The following CLCA1 variants were observed in gnomAD, a reference collection of about 807,000 sequenced individuals.
CLCA1 encodes calcium-activated chloride channel regulator 1.
In CLCA1, 59 loss-of-function variants were observed where a neutral mutation model predicts 85.6. That is an observed-to-expected ratio of 0.69 (90% confidence interval 0.56 to 0.86). The LOEUF is 0.86. CLCA1 is among the 40% of genes least tolerant of loss of function. The probability of loss-of-function intolerance (pLI) is 0.00; values close to 1 mark genes in which losing one functional copy is unlikely to be tolerated. For synonymous variants in CLCA1, 396 were observed against 398.3 expected (o/e 0.99, Z 0.07); for missense variants, 1,022 against 1,101.4 (o/e 0.93, Z 1.02).
chr1:86,498,377 TTC>T (rs1648357488), intron 12 of CLCA1, among the ~76,000 whole-genome samples, 193 bp from the exon 13 acceptor site: 1 of 152,278 alleles, frequency 6.6e-6, no homozygotes, highest in South Asian at 2.1e-4. Flanking sequence ...GAAACTGTGA[TTC>T]TCTGTTTTCT....
rs373574345 is a variant in CLCA1 at position 86,482,073 on chromosome 1, TGATGG to T, written c.558-127_558-123del. 5.2e-5 allele frequency: 34 copies of T among 652,030 alleles called. No homozygotes were observed. The African/African-American group carries it at 6.0e-4, about 11-fold the overall frequency. 40.4% of individuals were successfully genotyped at this position (652,030 alleles called of 1,614,324 possible). A position where few individuals can be genotyped will look rare whatever the true frequency, so the allele number is the denominator to read the frequency against. On this transcript the variant is annotated intron_variant, in intron 4 of 13. Coordinates refer to ENST00000394711, the MANE Select transcript of CLCA1 (RefSeq NM_001285.4). The stretch of plus-strand genomic sequence containing the variant: ...TGATGACAATTTAACACTTTTGCTA[TGATGG>T]GATGTCCTTGTTTCTTGGATCATGA...
chr1:86,499,285 T>G (rs1362130973), intron 13 of CLCA1, among the ~76,000 whole-genome samples: 1 of 152,232 alleles, frequency 6.6e-6, no homozygotes, highest in Non-Finnish European at 1.5e-5. Flanking sequence ...CTGGGTGATT[T>G]GTACACACAT....
chr1:86,495,931 A>G (rs1434958902), intron 12 of CLCA1, among the ~76,000 whole-genome samples: 1 of 152,196 alleles, frequency 6.6e-6, no homozygotes, highest in African/African-American at 2.4e-5. Flanking sequence ...AAATGTCTCC[A>G]TATGTGGTCC....
Position 86,473,571 on chromosome 1 carries a change from G to A in CLCA1, c.303+14G>A. The A allele has an allele frequency of 6.4e-7, 1 of 1,569,934 alleles. No individual in the cohort carries two copies. Among genetic ancestry groups the A allele is most frequent in the Non-Finnish European group, 8.7e-7 (1 of 1,154,386 alleles). Reference sequence around the variant, plus strand: ...ACCTACAAAAATGTGAGAATATCAAGTTCTTCTTTAAAATTCCACTTTCTC... The same window carrying A: ...ACCTACAAAAATGTGAGAATATCAAATTCTTCTTTAAAATTCCACTTTCTC... On this transcript the variant is annotated intron_variant, in intron 2 of 13. Coordinates refer to ENST00000394711, the MANE Select transcript of CLCA1 (RefSeq NM_001285.4).
Position 86,489,004 on chromosome 1 carries a change from G to A in CLCA1, c.1191G>A (p.Arg397=), listed in dbSNP as rs528803620. The stretch of plus-strand genomic sequence containing the variant: ...CTAAATTCTGTCCTTAGGTGATTAG[G>A]AAGAAATATCCAACTGATGGATCTG... ...SGLRSAFTVI[R]KKYPTDGSEI... is the part of the protein sequence containing the mutation. Residue 397 remains arginine, a synonymous_variant, in exon 8 of 14, where the codon AGG becomes AGA. Coordinates refer to ENST00000394711, the MANE Select transcript of CLCA1 (RefSeq NM_001285.4). The A allele has an allele frequency of 1.4e-5, 22 of 1,613,836 alleles. 1 individual carries two copies. In the South Asian group the frequency reaches 2.3e-4, roughly 17 times the overall value.
intron 5 of CLCA1, among the ~76,000 whole-genome samples, chr1:86,485,096 A>G (rs1647928577): frequency 2.0e-5 from 3 of 152,056 alleles, no homozygotes; most frequent in Non-Finnish European, 4.4e-5. Context: ...AAATTTGAGG[A>G]GTAGGAAGGA....
chr1:86,494,751 TTG>T (rs1648228973), intron 11 of CLCA1, among the ~76,000 whole-genome samples: 1 of 152,218 alleles, frequency 6.6e-6, no homozygotes. Flanking sequence ...AATAACCATA[TTG>T]TGTTAGGTGC....
rs539715273 is a variant in CLCA1 at position 86,498,691 on chromosome 1, G to T, written c.2233G>T (p.Ala745Ser). 6.2e-7 allele frequency: 1 copy of T among 1,614,052 alleles called. No individual in the cohort carries two copies. Among genetic ancestry groups the T allele is most frequent in the South Asian group, 1.1e-5 (1 of 91,070 alleles). Reference sequence around the variant, plus strand: ...ATTTGTGGCTTCTGATGTCCCAAATGCTCCCATACCTGATCTCTTCCCACC... The same window carrying T: ...ATTTGTGGCTTCTGATGTCCCAAATTCTCCCATACCTGATCTCTTCCCACC... The part of the protein sequence containing the change: ...GSFVASDVPN[A>S]PIPDLFPPGQ... Residue 745 changes from alanine (A) to serine (S), a missense_variant, in exon 13 of 14, where the codon GCT (alanine) becomes TCT (serine). By Grantham distance (99) the Ala-to-Ser change is moderately conservative. Coordinates refer to ENST00000394711, the MANE Select transcript of CLCA1 (RefSeq NM_001285.4).
intron 7 of CLCA1, among the ~76,000 whole-genome samples, chr1:86,487,901 C>T (rs899013288): frequency 1.1e-4 from 16 of 152,158 alleles, no homozygotes; most frequent in Non-Finnish European, 4.4e-5. Context: ...ATGGGGAGTG[C>T]GACAAGAAAA....
intron 7 of CLCA1, among the ~76,000 whole-genome samples, chr1:86,488,152 T>C (rs1286671105): frequency 2.0e-5 from 3 of 152,218 alleles, no homozygotes; most frequent in Non-Finnish European, 4.4e-5. Context: ...ATTCTAGGCC[T>C]TTGGAAGATG....
chr1:86,470,545 A>T (rs1177691734), intron 1 of CLCA1, among the ~76,000 whole-genome samples: 1 of 152,208 alleles, frequency 6.6e-6, no homozygotes, highest in Admixed American at 6.5e-5. Flanking sequence ...TATAGTGACT[A>T]GAGCTTTCAA....
In CLCA1 at chr1:86,485,571, A is replaced by G. The variant is rs368342752; in HGVS notation, c.954+10A>G. ...ATCTGGAAGCATGGCGGTATGTTCA[A>G]TGAGTCTTGGTCTTCTGGATGCTGG... On this transcript the variant is annotated intron_variant, in intron 6 of 13. Transcript: ENST00000394711. 1.9e-6 allele frequency: 3 copies of G among 1,612,570 alleles called. No individual in the cohort carries two copies. The highest frequency in any genetic ancestry group is 1.1e-5 in the South Asian group (1 of 91,074).
rs376985536 is a variant in CLCA1, at chr1:86,494,260, A to G, written c.1754A>G (p.Asn585Ser). 6.8e-6 allele frequency: 11 copies of G among 1,614,098 alleles called. No individual in the cohort carries two copies. In the African/African-American group the frequency reaches 8.0e-5, roughly 12 times the overall value. Residue 585 changes from asparagine (N) to serine (S), a missense_variant, in exon 11 of 14, where the codon AAT becomes AGT. Physicochemically the swap from Asn to Ser is conservative, Grantham distance 46 (BLOSUM62 1). Transcript: ENST00000394711. ...CTGACTGTCACGTCCCGTGCGTCCAATGCTACCCTGCCTCCAATTACAGTG... is the reference window on the plus strand; with the variant it reads ...CTGACTGTCACGTCCCGTGCGTCCAGTGCTACCCTGCCTCCAATTACAGTG... ...LTLTVTSRASNATLPPITVTS... is the reference protein window; with the variant it reads ...LTLTVTSRASSATLPPITVTS...
At chr1:86,482,077 G>T in intron 4 of CLCA1, 128 bp from the exon 5 acceptor site, 1 of 665,584 alleles carries the variant, frequency 1.5e-6, no homozygotes, top group Non-Finnish European at 2.6e-6. Context: ...TTGCTATGAT[G>T]GGATGTCCTT....
chr1:86,487,417 C>CGAGA (rs570737682), intron 7 of CLCA1, among the ~76,000 whole-genome samples: 1 of 151,770 alleles, frequency 6.6e-6, no homozygotes, highest in Non-Finnish European at 1.5e-5. Flanking sequence ...TTCAGATGAG[C>CGAGA]GAGAGAGAGA....
chr1:86,483,268 G>A (rs1647868938), intron 5 of CLCA1, among the ~76,000 whole-genome samples: 1 of 152,148 alleles, frequency 6.6e-6, no homozygotes, highest in Non-Finnish European at 1.5e-5. Context: ...GCCTAGTCAG[G>A]TGTGGAAGCC....
chr1:86,476,406 C>T, intron 3 of CLCA1, 42 bp from the exon 4 acceptor site: 3 of 965,148 alleles, frequency 3.1e-6, no homozygotes, highest in Non-Finnish European at 5.0e-6. Flanking sequence ...GGTAATTTTG[C>T]CATTCTTATT....
Position 86,499,297 on chromosome 1 carries a change from A to G in CLCA1, c.2354-357A>G, listed in dbSNP as rs535543010. On this transcript the variant is annotated intron_variant, in intron 13 of 13. Coordinates refer to ENST00000394711, the MANE Select transcript of CLCA1 (RefSeq NM_001285.4). ...TCCCTGGGTGATTTGTACACACATT[A>G]CAGTTTGAGAAGCATTGGTGCAAAC... 8.1e-4 allele frequency among the ~76,000 whole-genome samples: 123 copies of G among 152,378 alleles called. 1 individual carries two copies. The South Asian group carries it at 9.3e-3, about 12-fold the overall frequency.
Position 86,494,421 on chromosome 1 carries a change from A to G in CLCA1, c.1915A>G (p.Thr639Ala), listed in dbSNP as rs1000182904. The change falls in exon 11 of 14, where the codon ACC (threonine) becomes GCC (alanine). Residue 639 changes from threonine to alanine, a missense_variant. Thr to Ala is a moderately conservative substitution (Grantham distance 58, BLOSUM62 0). Transcript: ENST00000394711. ...LIESVNGKTV[T>A]LELLDNGAGA... The stretch of plus-strand genomic sequence containing the variant: ...TGAATCAGTGAATGGAAAAACAGTT[A>G]CCTTGGAACTACTGGATAATGGAGC... The G allele has an allele frequency of 6.2e-7, 1 of 1,614,110 alleles. No individual in the cohort carries two copies. The highest frequency in any genetic ancestry group is 1.3e-5 in the African/African-American group (1 of 74,952).
Sources: gnomAD v4.1 joint callset for allele counts (sites outside exome capture counted in the v4.1 genomes callset) on GRCh38, gnomAD v4.1.1 for gene constraint, MANE v1.5 for transcripts, NCBI Gene and HGNC (gene_info 2026-07-23, HGNC 2026-07-21) for gene names.